The following NCALD variants were observed in gnomAD, a reference collection of about 807,000 sequenced individuals.
NCALD encodes neurocalcin-delta.
In NCALD, 10 loss-of-function variants were observed where a neutral mutation model predicts 18.6. The observed-to-expected ratio is 0.54, with a 90% CI of 0.33 to 0.91. NCALD has a LOEUF of 0.91. Ranked by LOEUF, NCALD falls within the 40% of genes least tolerant of loss-of-function variation. The probability of loss-of-function intolerance (pLI) is 0.03; values close to 1 mark genes in which losing one functional copy is unlikely to be tolerated. For synonymous variants in NCALD, 88 were observed against 87.4 expected (o/e 1.01, Z -0.04); for missense variants, 184 against 247.6 (o/e 0.74, Z 1.72).
At chr8:101,840,247 A>G (rs1210288441) in intron 4 of NCALD, among the ~76,000 whole-genome samples, 3 of 152,224 alleles carry the variant, frequency 2.0e-5, no homozygotes, top group Non-Finnish European at 4.4e-5. Flanking sequence ...GGCTGATTGA[A>G]GAAAAGAAAA....
chr8:101,854,520 T>C (rs1256063733), intron 4 of NCALD, among the ~76,000 whole-genome samples: 1 of 152,186 alleles, frequency 6.6e-6, no homozygotes, highest in Non-Finnish European at 1.5e-5. Context: ...TGCATTCTAA[T>C]ACTCTATTGT....
intron 4 of NCALD, among the ~76,000 whole-genome samples, chr8:101,827,599 G>A (rs1813993167): frequency 6.6e-6 from 1 of 152,142 alleles, no homozygotes; most frequent in Admixed American, 6.5e-5. Flanking sequence ...CACAACCTCA[G>A]GGATTCACAC....
At chr8:101,710,753 C>T (rs1375663552) in intron 2 of NCALD, among the ~76,000 whole-genome samples, 1 of 152,226 alleles carries the variant, frequency 6.6e-6, no homozygotes, top group Admixed American at 6.5e-5. Context: ...GAAAGAAAGG[C>T]AGCAGCCCCA....
chr8:102,013,897 A>T (rs569947884), intron 2 of NCALD, among the ~76,000 whole-genome samples: 4 of 152,204 alleles, frequency 2.6e-5, no homozygotes, highest in Non-Finnish European at 5.9e-5. Flanking sequence ...AGAAAACTAG[A>T]ATTTTGGCAG....
At chr8:101,899,149 T>C (rs567642581) in intron 3 of NCALD, among the ~76,000 whole-genome samples, 4 of 152,192 alleles carry the variant, frequency 2.6e-5, no homozygotes, top group East Asian at 1.9e-4. Flanking sequence ...GTTTTTGAGA[T>C]TGTAAATGAT....
At chr8:101,781,393 C>T (rs1349833501) in intron 1 of NCALD, among the ~76,000 whole-genome samples, 2 of 152,242 alleles carry the variant, frequency 1.3e-5, no homozygotes, top group East Asian at 3.9e-4. Flanking sequence ...GCTCAGGGCT[C>T]ACCAAGGGTT....
At chr8:101,885,198 G>C (rs1358785101) in intron 4 of NCALD, among the ~76,000 whole-genome samples, 4 of 152,180 alleles carry the variant, frequency 2.6e-5, no homozygotes, top group Non-Finnish European at 4.4e-5. Flanking sequence ...GGAGGCTAAA[G>C]AGCGATATCC....
upstream of NCALD, among the ~76,000 whole-genome samples, chr8:101,795,098 C>A (rs550055449): frequency 2.0e-5 from 3 of 152,274 alleles, no homozygotes; most frequent in Admixed American, 2.0e-4. Flanking sequence ...TTATTATAGT[C>A]TTAGCTGAAG....
chr8:101,733,284 C>T (rs1306583581), intron 1 of NCALD, among the ~76,000 whole-genome samples: 1 of 152,128 alleles, frequency 6.6e-6, no homozygotes, highest in South Asian at 2.1e-4. Context: ...AATTTCTTAA[C>T]CTCTTGCATC....
chr8:101,935,357 AAT>A (rs1818722648), intron 2 of NCALD, among the ~76,000 whole-genome samples: 1 of 152,236 alleles, frequency 6.6e-6, no homozygotes, highest in Admixed American at 6.5e-5. Flanking sequence ...ATTTGATAGC[AAT>A]AGACATGAAA....
chr8:101,849,694 C>T (rs1332274416), intron 4 of NCALD, among the ~76,000 whole-genome samples: 8 of 152,210 alleles, frequency 5.3e-5, no homozygotes, highest in Non-Finnish European at 2.9e-5. Flanking sequence ...CTAAAATTAG[C>T]CAACTGTGAT....
chr8:101,804,284 T>C (rs1414418462), intron 4 of NCALD, among the ~76,000 whole-genome samples: 4 of 121,252 alleles, frequency 3.3e-5, no homozygotes, highest in Non-Finnish European at 6.4e-5. Context: ...ATATATACTA[T>C]TTATAACTAT....
At chr8:101,991,149 A>C (rs556980238) in intron 2 of NCALD, among the ~76,000 whole-genome samples, 2 of 152,314 alleles carry the variant, frequency 1.3e-5, no homozygotes, top group East Asian at 3.9e-4. Context: ...TTTTGACTGC[A>C]TTGTATCGAC....
chr8:101,945,916 G>T (rs1171229300), intron 2 of NCALD, among the ~76,000 whole-genome samples: 1 of 152,132 alleles, frequency 6.6e-6, no homozygotes, highest in Non-Finnish European at 1.5e-5. Flanking sequence ...TCCTTTTTCT[G>T]CAGGCACAAA....
intron 1 of NCALD, among the ~76,000 whole-genome samples, chr8:101,777,681 T>C (rs1811850313): frequency 6.6e-6 from 1 of 152,194 alleles, no homozygotes; most frequent in East Asian, 1.9e-4. Context: ...GCCACTCTGA[T>C]GTTAATAAAA....
At chr8:101,968,119 T>C (rs1008077877) in intron 2 of NCALD, among the ~76,000 whole-genome samples, 5 of 152,172 alleles carry the variant, frequency 3.3e-5, no homozygotes, top group Non-Finnish European at 7.3e-5. Flanking sequence ...ATGACCAATG[T>C]CACCCATCTA....
rs148028947 is a variant in NCALD, at chr8:101,718,895, G to C, written c.378+357C>G. 4.8e-4 allele frequency among the ~76,000 whole-genome samples: 73 copies of C among 152,318 alleles called. 1 individual carries two copies. In the East Asian group the frequency reaches 0.011, roughly 24 times the overall value. The stretch of plus-strand genomic sequence containing the variant: ...TTTCTCTGAAGCCTGCTACTTAAGA[G>C]TCTTCATCTGTATGGTAAAACCTTG... On this transcript the variant is annotated intron_variant, in intron 2 of 3. Coordinates refer to ENST00000220931, the MANE Select transcript of NCALD (RefSeq NM_032041.3).
chr8:101,865,856 T>A (rs1478849894), intron 4 of NCALD, among the ~76,000 whole-genome samples: 1 of 152,188 alleles, frequency 6.6e-6, no homozygotes, highest in East Asian at 1.9e-4. Flanking sequence ...CCTAAAATAC[T>A]TTTTTAGGAG....
At chr8:101,890,136 G>A (rs763140238) in intron 3 of NCALD, among the ~76,000 whole-genome samples, 7 of 152,102 alleles carry the variant, frequency 4.6e-5, no homozygotes, top group Non-Finnish European at 1.0e-4. Context: ...CCAGTATTCA[G>A]GTTATAAAAA....
Sources: gnomAD v4.1 joint callset for allele counts (sites outside exome capture counted in the v4.1 genomes callset) on GRCh38, gnomAD v4.1.1 for gene constraint, MANE v1.5 for transcripts, NCBI Gene and HGNC (gene_info 2026-07-23, HGNC 2026-07-21) for gene names.